Variants in HPSE2 observed in about 807,000 individuals in gnomAD.
HPSE2 encodes inactive heparanase-2.
In HPSE2, 38 loss-of-function variants were observed where a neutral mutation model predicts 60.5. The observed-to-expected ratio is 0.63, with a 90% CI of 0.48 to 0.82. The LOEUF (loss-of-function observed/expected upper bound fraction) is 0.82, where lower values mean the gene tolerates loss of function less well. HPSE2 is among the 40% of genes least tolerant of loss of function. HPSE2 has a pLI of 0.00. For missense variants in HPSE2, 713 were observed against 740.4 expected, an observed-to-expected ratio of 0.96 and a Z score of 0.43; for synonymous variants, 295 against 293.2, an observed-to-expected ratio of 1.01 and a Z score of -0.06.
chr10:99,072,988 A>C (rs1218272562), intron 3 of HPSE2, among the ~76,000 whole-genome samples: 1 of 148,096 alleles, frequency 6.8e-6, no homozygotes. Context: ...GATGCTGGAG[A>C]GGTTGCAGAG....
At chr10:98,978,416 G>C (rs1047360456) in intron 3 of HPSE2, among the ~76,000 whole-genome samples, 2 of 151,976 alleles carry the variant, frequency 1.3e-5, no homozygotes, top group South Asian at 2.1e-4. Flanking sequence ...AATGAATCTT[G>C]TTTTCCTTCT....
At chr10:98,940,195 A>T (rs1954946239) in intron 3 of HPSE2, among the ~76,000 whole-genome samples, 1 of 143,650 alleles carries the variant, frequency 7.0e-6, no homozygotes, top group Non-Finnish European at 1.5e-5. Flanking sequence ...GAACAAACAC[A>T]TTCAAAAGCT....
Position 98,807,536 on chromosome 10 carries a change from C to T in HPSE2, c.611-63480G>A, listed in dbSNP as rs78435759. On this transcript the variant is annotated intron_variant, in intron 3 of 11. Transcript: ENST00000370552. Reference sequence around the variant, plus strand: ...GTTCTGTAACATCATATAGCTAGTACTCAATAAATGTTAGCTCACTTGCTC... The same window carrying T: ...GTTCTGTAACATCATATAGCTAGTATTCAATAAATGTTAGCTCACTTGCTC... Among the ~76,000 whole-genome samples, 1,175 of 152,296 alleles carry T rather than the reference C, an allele frequency of 7.7e-3. 6 individuals carry two copies. Among genetic ancestry groups the T allele is most frequent in the Non-Finnish European group, 0.013 (901 of 68,018 alleles).
At chr10:98,992,414 G>C (rs1005935009) in intron 3 of HPSE2, among the ~76,000 whole-genome samples, 1 of 152,102 alleles carries the variant, frequency 6.6e-6, no homozygotes, top group African/African-American at 2.4e-5. Context: ...CAGAACACAG[G>C]CATGTGATTA....
intron 3 of HPSE2, among the ~76,000 whole-genome samples, chr10:99,079,903 T>C (rs1843075147): frequency 6.6e-6 from 1 of 152,024 alleles, no homozygotes; most frequent in African/African-American, 2.4e-5. Context: ...CCCAAAAAAG[T>C]TGGAGTATTA....
At chr10:98,507,108 G>A (rs766054153) in intron 9 of HPSE2, among the ~76,000 whole-genome samples, 1 of 152,144 alleles carries the variant, frequency 6.6e-6, no homozygotes, top group Non-Finnish European at 1.5e-5. Context: ...ATGTGTATAC[G>A]AATAGGTTAA....
chr10:99,028,178 G>A (rs1288509823), intron 3 of HPSE2, among the ~76,000 whole-genome samples: 2 of 152,112 alleles, frequency 1.3e-5, no homozygotes, highest in Non-Finnish European at 2.9e-5. Context: ...GTAAAGGGCA[G>A]TCAAATTGGA....
intron 9 of HPSE2, among the ~76,000 whole-genome samples, chr10:98,614,065 G>T (rs891850490): frequency 6.6e-6 from 1 of 152,008 alleles, no homozygotes. Flanking sequence ...ATTGTCACAC[G>T]GGGCTCATCA....
intron 9 of HPSE2, among the ~76,000 whole-genome samples, chr10:98,526,541 C>T (rs1334281878): frequency 6.6e-6 from 1 of 152,190 alleles, no homozygotes; most frequent in Non-Finnish European, 1.5e-5. Context: ...AATTTCAGTG[C>T]TTGTGCTCAG....
chr10:98,625,600 T>TA (rs893964433), intron 7 of HPSE2, among the ~76,000 whole-genome samples: 16 of 152,230 alleles, frequency 1.1e-4, no homozygotes, highest in Admixed American at 1.0e-3. Flanking sequence ...AGTCTTCACT[T>TA]AAAGTCATCA....
chr10:98,923,223 C>G (rs574092063), intron 3 of HPSE2, among the ~76,000 whole-genome samples: 12 of 152,322 alleles, frequency 7.9e-5, no homozygotes, highest in Admixed American at 3.3e-4. Flanking sequence ...TCATGCCACT[C>G]TCTCCTGACC....
chr10:98,457,353 T>C lies in HPSE2; in HGVS notation c.*2221A>G, dbSNP rs527516960. On this transcript the variant is annotated 3_prime_UTR_variant, in exon 12 of 12. Coordinates refer to ENST00000370552, the MANE Select transcript of HPSE2 (RefSeq NM_021828.5). Reference sequence around the variant, plus strand: ...GTGGCTGAGTGGGCAGGCTCTGGATTATTTCGCGCTCGGCAACCCATTTCC... The same window carrying C: ...GTGGCTGAGTGGGCAGGCTCTGGATCATTTCGCGCTCGGCAACCCATTTCC... 1.7e-4 allele frequency: 26 copies of C among 152,354 alleles called. No individual in the cohort carries two copies. Among genetic ancestry groups the C allele is most frequent in the African/African-American group, 6.0e-4 (25 of 41,572 alleles). The allele number at this position is 152,354 out of a possible 1,614,324, so 9.4% of individuals were successfully genotyped here. A position where few individuals can be genotyped will look rare whatever the true frequency, so the allele number is the denominator to read the frequency against.
At chr10:98,940,917 G>C (rs544715332) in intron 3 of HPSE2, among the ~76,000 whole-genome samples, 1 of 130,354 alleles carries the variant, frequency 7.7e-6, no homozygotes, top group East Asian at 2.2e-4. Context: ...TGGGATGCAA[G>C]GCTGGTTCAA....
chr10:98,645,296 G>T (rs1473254459), intron 6 of HPSE2, among the ~76,000 whole-genome samples: 5 of 152,340 alleles, frequency 3.3e-5, no homozygotes, highest in Non-Finnish European at 7.3e-5. Context: ...GAAAAGTTGA[G>T]ACAAGAAATG....
intron 3 of HPSE2, among the ~76,000 whole-genome samples, chr10:99,142,805 G>A (rs1284653622): frequency 1.3e-5 from 2 of 151,968 alleles, no homozygotes; most frequent in East Asian, 1.9e-4. Flanking sequence ...CTGGAGCCTC[G>A]GTTTAGGGTT....
intron 3 of HPSE2, among the ~76,000 whole-genome samples, chr10:99,103,081 G>T (rs1844080159): frequency 6.6e-6 from 1 of 152,206 alleles, no homozygotes; most frequent in African/African-American, 2.4e-5. Flanking sequence ...ATAAGACAGG[G>T]ATGCCCTTTC....
At chr10:99,048,108 G>C (rs1379074660) in intron 3 of HPSE2, 1 of 937,362 alleles carries the variant, frequency 1.1e-6, no homozygotes, top group East Asian at 2.5e-5. Context: ...ATCTACAAGC[G>C]TGCTTATGGC....
chr10:99,068,084 A>C (rs987000933), intron 3 of HPSE2, among the ~76,000 whole-genome samples: 1 of 152,100 alleles, frequency 6.6e-6, no homozygotes, highest in Non-Finnish European at 1.5e-5. Flanking sequence ...ATCTGAGACC[A>C]CCTCAGCCTG....
intron 5 of HPSE2, among the ~76,000 whole-genome samples, chr10:98,706,490 C>T (rs186588942): frequency 6.8e-4 from 104 of 152,174 alleles, no homozygotes; most frequent in Non-Finnish European, 1.2e-3. Context: ...CAAGGACATA[C>T]CAAAATTTCT....
Sources: allele counts gnomAD v4.1 joint callset (sites outside exome capture counted in the v4.1 genomes callset), GRCh38; gene constraint gnomAD v4.1.1; transcripts MANE v1.5; gene names NCBI Gene and HGNC (gene_info 2026-07-23, HGNC 2026-07-21).